The following CXADR variants were observed in gnomAD, a reference collection of about 807,000 sequenced individuals.
The protein encoded by CXADR is CXADR cell adhesion molecule.
Under a neutral mutation model 40.3 loss-of-function variants are expected in CXADR, and 20 were observed. The ratio of observed to expected loss-of-function variants is 0.50; its 90% CI spans 0.35 to 0.72. The LOEUF (loss-of-function observed/expected upper bound fraction) is 0.72. Among genes scored for constraint, CXADR ranks in the 30% least tolerant of loss-of-function variants. The pLI, the probability that CXADR is intolerant of heterozygous loss-of-function variation, is 0.01. For synonymous variants in CXADR, 150 were observed against 161.3 expected (o/e 0.93, Z 0.53); for missense variants, 332 against 449.1 (o/e 0.74, Z 2.36).
chr21:17,602,900 A>T, the CXADR span, among the ~76,000 whole-genome samples: 197 of 152,354 alleles, frequency 1.3e-3, 1 homozygote, highest in African/African-American at 4.6e-3. Flanking sequence ...CCTTGGACAT[A>T]AAAACTTTCC....
intron 6 of CXADR, among the ~76,000 whole-genome samples, chr21:17,564,245 C>CGTG (rs1407262515): frequency 6.6e-6 from 1 of 150,692 alleles, no homozygotes; most frequent in African/African-American, 2.4e-5. Flanking sequence ...GTAATCCCAG[C>CGTG]ACTTTGGGAG....
the CXADR span, among the ~76,000 whole-genome samples, chr21:17,607,542 T>C: frequency 6.6e-6 from 1 of 152,204 alleles, no homozygotes; most frequent in South Asian, 2.1e-4. Flanking sequence ...ATTCTCTTCT[T>C]GTCAATAGAA....
intron 1 of CXADR, among the ~76,000 whole-genome samples, chr21:17,513,728 T>G (rs948587235): frequency 6.6e-5 from 10 of 152,190 alleles, no homozygotes; most frequent in African/African-American, 2.4e-4. Flanking sequence ...TGGACGGTGT[T>G]AGTCTCCTGG....
intron 6 of CXADR, among the ~76,000 whole-genome samples, chr21:17,564,033 A>G (rs893913173): frequency 4.0e-5 from 6 of 151,636 alleles, no homozygotes; most frequent in African/African-American, 1.4e-4. Context: ...AAAACAAAAC[A>G]AAAATGCAGT....
chr21:17,541,512 C>T (rs1600986510), intron 1 of CXADR, among the ~76,000 whole-genome samples: 1 of 151,834 alleles, frequency 6.6e-6, no homozygotes, highest in Non-Finnish European at 1.5e-5. Flanking sequence ...GAGCCAAGAT[C>T]GCGCCACTAC....
At chr21:17,593,479 A>G (rs2061462069) in exon 8 of CXADR, 1 of 229,812 alleles carries the variant, frequency 4.4e-6, no homozygotes, top group Non-Finnish European at 8.4e-6. Context: ...TTAACTTTTC[A>G]TATGCATATT....
downstream of CXADR, among the ~76,000 whole-genome samples, chr21:17,570,580 A>G (rs1466027404): frequency 1.3e-5 from 2 of 152,186 alleles, no homozygotes. Context: ...TCATAAGGCC[A>G]TTAATGCTAT....
At chr21:17,536,027 G>A (rs1179020884) in intron 1 of CXADR, among the ~76,000 whole-genome samples, 1 of 152,042 alleles carries the variant, frequency 6.6e-6, no homozygotes, top group African/African-American at 2.4e-5. Flanking sequence ...GAAAACTCCT[G>A]TTTTTATTTG....
chr21:17,543,820 G>A (rs73308234), intron 1 of CXADR, among the ~76,000 whole-genome samples: 4,753 of 152,112 alleles, frequency 0.031, 255 homozygotes, highest in African/African-American at 0.11. Context: ...TTAAAAGTTC[G>A]CAAAAATACA....
the CXADR span, chr21:17,612,955 G>A: frequency 1.3e-5 from 2 of 152,028 alleles, no homozygotes; most frequent in South Asian, 2.1e-4. Context: ...AGAGGGGAGG[G>A]GCGATGACCC....
At chr21:17,635,916 G>A in the CXADR span, among the ~76,000 whole-genome samples, 9 of 152,110 alleles carry the variant, frequency 5.9e-5, no homozygotes, top group African/African-American at 2.2e-4. Context: ...TCTAATCTAG[G>A]AATATGGTAT....
chr21:17,530,308 A>G (rs193053893), intron 1 of CXADR: 1 of 415,766 alleles, frequency 2.4e-6, no homozygotes, highest in African/African-American at 2.1e-5. Flanking sequence ...CTAACAATGT[A>G]GATTAGTGTT....
chr21:17,626,910 C>G, the CXADR span: 2 of 152,102 alleles, frequency 1.3e-5, no homozygotes, highest in African/African-American at 4.8e-5. Flanking sequence ...AATTGAGTTC[C>G]AGAAGAGTAA....
exon 8 of CXADR, chr21:17,593,247 C>A: frequency 1.5e-6 from 2 of 1,346,420 alleles, no homozygotes; most frequent in African/African-American, 1.5e-5. Context: ...TATTTTAGGC[C>A]TCTAGTAAAG....
the CXADR span, chr21:17,609,297 G>A: frequency 2.6e-6 from 2 of 757,862 alleles, 1 homozygote; most frequent in South Asian, 4.2e-5. Flanking sequence ...CTGAAGTAGA[G>A]AACAATCTAC....
At position 17,547,163 on chromosome 21, in the gene CXADR, A is replaced by G. The variant is rs1422673514; in HGVS notation, c.180A>G (p.Ser60=). 2 of 1,614,204 alleles carry G rather than the reference A, an allele frequency of 1.2e-6. No individual in the cohort carries two copies. Among genetic ancestry groups the G allele is most frequent in the South Asian group, 2.2e-5 (2 of 91,084 alleles). The part of the protein sequence containing the change: ...QGPLDIEWLI[S]PADNQKVDQV... ...CGCTGGACATCGAGTGGCTGATATC[A>G]CCAGCTGATAATCAGAAGGTGGATC... Residue 60 remains serine, a synonymous_variant, in exon 2 of 7, where the codon TCA becomes TCG. Coordinates refer to ENST00000284878, the MANE Select transcript of CXADR (RefSeq NM_001338.5).
the CXADR span, among the ~76,000 whole-genome samples, chr21:17,619,922 C>T: frequency 1.3e-5 from 2 of 152,000 alleles, no homozygotes; most frequent in Non-Finnish European, 2.9e-5. Flanking sequence ...CCTCTCTCAG[C>T]CTTGGTAGAA....
At chr21:17,622,148 A>G in the CXADR span, among the ~76,000 whole-genome samples, 1 of 152,230 alleles carries the variant, frequency 6.6e-6, no homozygotes, top group African/African-American at 2.4e-5. Context: ...GATGGCTAGA[A>G]TTAATCAGAT....
chr21:17,620,942 T>C, the CXADR span, among the ~76,000 whole-genome samples: 6 of 152,338 alleles, frequency 3.9e-5, no homozygotes, highest in East Asian at 1.2e-3. Context: ...GTTGAAGTTA[T>C]AGTCTTAAAC....
Sources: allele counts gnomAD v4.1 joint callset (sites outside exome capture counted in the v4.1 genomes callset), GRCh38; gene constraint gnomAD v4.1.1; transcripts MANE v1.5; gene names NCBI Gene and HGNC (gene_info 2026-07-23, HGNC 2026-07-21).